ST3GAL2: variants seen among roughly 807,000 people sequenced by gnomAD.
The protein encoded by ST3GAL2 is CMP-N-acetylneuraminate-beta-galactosamide-alpha-2,3-sialyltransferase 2.
A neutral mutation model predicts 37.5 loss-of-function variants in ST3GAL2; 16 were observed. The ratio of observed to expected loss-of-function variants is 0.43; its 90% CI spans 0.29 to 0.65. ST3GAL2 has a LOEUF of 0.65. Ranked by LOEUF, ST3GAL2 falls within the 30% of genes least tolerant of loss-of-function variation. ST3GAL2 has a pLI of 0.17. For missense variants in ST3GAL2, 383 were observed against 487.8 expected (o/e 0.79, Z 2.02); for synonymous variants, 238 against 202.9 (o/e 1.17, Z -1.47).
At chr16:70,414,047 A>C (rs2151671126) in intron 1 of ST3GAL2, among the ~76,000 whole-genome samples, 1 of 152,348 alleles carries the variant, frequency 6.6e-6, no homozygotes, top group South Asian at 2.1e-4. Context: ...GTGGAGGCGT[A>C]CATGAATATA....
At chr16:70,402,260 G>T (rs1372585777) in intron 1 of ST3GAL2, among the ~76,000 whole-genome samples, 2 of 125,752 alleles carry the variant, frequency 1.6e-5, no homozygotes, top group African/African-American at 6.2e-5. Flanking sequence ...TCTAGCCTGG[G>T]CAACAAGAGC....
chr16:70,380,811 C>T lies in ST3GAL2; in HGVS notation c.*878G>A, dbSNP rs1358039935. ...AGCCAGCCTCCTTCCGCCGTGCAGC[C>T]CCCTCCCCAGGGGCCAGAGCCGGCC... is the stretch of plus-strand genomic sequence containing the variant. On this transcript the variant is annotated 3_prime_UTR_variant, in exon 7 of 7. Coordinates refer to ENST00000342907, the MANE Select transcript of ST3GAL2 (RefSeq NM_006927.4). 6.5e-6 allele frequency: 1 copy of T among 153,014 alleles called. No homozygotes were observed. The highest frequency in any genetic ancestry group is 1.5e-5 in the Non-Finnish European group (1 of 68,700). 9.5% of individuals were successfully genotyped at this position (153,014 alleles called of 1,614,324 possible). A position where few individuals can be genotyped will look rare whatever the true frequency, so the allele number is the denominator to read the frequency against.
At chr16:70,406,547 C>T (rs142551636) in intron 1 of ST3GAL2, among the ~76,000 whole-genome samples, 148 of 151,530 alleles carry the variant, frequency 9.8e-4, no homozygotes, top group African/African-American at 3.5e-3. Flanking sequence ...TTTGGGATGC[C>T]GAGGGTGGCG....
At chr16:70,389,722 C>T (rs1254675661) in intron 3 of ST3GAL2, among the ~76,000 whole-genome samples, 1 of 152,162 alleles carries the variant, frequency 6.6e-6, no homozygotes, top group Non-Finnish European at 1.5e-5. Flanking sequence ...CCTCGGCCTC[C>T]CAAAGTGCTG....
intron 1 of ST3GAL2, among the ~76,000 whole-genome samples, chr16:70,424,038 A>G (rs2047733759): frequency 6.6e-6 from 1 of 151,930 alleles, no homozygotes; most frequent in African/African-American, 2.4e-5. Flanking sequence ...AGCCTGGGTG[A>G]CAGAGTGAGA....
intron 1 of ST3GAL2, among the ~76,000 whole-genome samples, chr16:70,423,663 A>G: frequency 6.7e-6 from 1 of 150,218 alleles, no homozygotes; most frequent in Non-Finnish European, 1.5e-5. Context: ...TGTAAATGGA[A>G]TGACTCAATG....
At chr16:70,405,427 G>A (rs938999983) in intron 1 of ST3GAL2, among the ~76,000 whole-genome samples, 1 of 151,164 alleles carries the variant, frequency 6.6e-6, no homozygotes, top group Admixed American at 6.6e-5. Flanking sequence ...TGTAGTACCA[G>A]ATACTCGGAA....
Position 70,398,437 on chromosome 16 carries a change from C to A in ST3GAL2, c.94G>T (p.Ala32Ser), listed in dbSNP as rs773049696. ...CCTGAGTCCAGGTAGGGGAGCGTGG[C>A]CATGCTGTGGTGCGAGTAGGTGAAG... ...LLFTYSHHSM[A>S]TLPYLDSGAL... Residue 32 changes from alanine to serine, a missense_variant, in exon 2 of 7, where the codon GCC becomes TCC. Transcript: ENST00000342907. 1 of 1,613,680 alleles carries A rather than the reference C, an allele frequency of 6.2e-7. No homozygotes were observed. The highest frequency in any genetic ancestry group is 1.7e-5 in the Admixed American group (1 of 60,026).
rs1401300607 is a variant in ST3GAL2, at chr16:70,376,868, A to G, written c.*4821T>C. ...AGCAATTCTCTGCCTCGGTCTCCCG[A>G]GTAGCTGGGATCACAGCCGTCTGCC... On this transcript the variant is annotated 3_prime_UTR_variant, in exon 7 of 7. Coordinates refer to ENST00000342907, the MANE Select transcript of ST3GAL2 (RefSeq NM_006927.4). The G allele has an allele frequency of 6.6e-6, 1 of 151,774 alleles. No homozygotes were observed. Among genetic ancestry groups the G allele is most frequent in the African/African-American group, 2.4e-5 (1 of 41,264 alleles). The allele number at this position is 151,774 out of a possible 1,614,324, so 9.4% of individuals were successfully genotyped here.
chr16:70,415,579 G>C (rs1424992902), intron 1 of ST3GAL2, among the ~76,000 whole-genome samples: 1 of 151,854 alleles, frequency 6.6e-6, no homozygotes, highest in Non-Finnish European at 1.5e-5. Flanking sequence ...AGCCTCCTGA[G>C]TAGCTGGGAC....
At chr16:70,387,571 A>T (rs2047451682) in intron 4 of ST3GAL2, among the ~76,000 whole-genome samples, 1 of 152,052 alleles carries the variant, frequency 6.6e-6, no homozygotes, top group African/African-American at 2.4e-5. Flanking sequence ...AAATAAAATT[A>T]AAAAAAATTA....
At chr16:70,418,484 G>T (rs2047690984) in intron 1 of ST3GAL2, among the ~76,000 whole-genome samples, 1 of 152,180 alleles carries the variant, frequency 6.6e-6, no homozygotes, top group Non-Finnish European at 1.5e-5. Flanking sequence ...CGGAGCTGGT[G>T]ACAGGAATAC....
At chr16:70,395,245 TC>T in intron 2 of ST3GAL2, 70 bp from the exon 3 acceptor site, 1 of 1,398,186 alleles carries the variant, frequency 7.2e-7, no homozygotes, top group South Asian at 1.3e-5. Context: ...GGCCCCGGCC[TC>T]CCCTCCTCTG....
intron 1 of ST3GAL2, among the ~76,000 whole-genome samples, chr16:70,410,836 T>G (rs2047633516): frequency 6.7e-6 from 1 of 149,710 alleles, no homozygotes; most frequent in Non-Finnish European, 1.5e-5. Context: ...TGTCTCTGTG[T>G]TTTGCCGTCT....
intron 3 of ST3GAL2, 143 bp downstream of exon 3, chr16:70,394,839 C>A (rs2047504283): frequency 6.7e-6 from 6 of 893,574 alleles, no homozygotes; most frequent in Middle Eastern, 3.5e-4. Flanking sequence ...GAGCTCCAAG[C>A]CTGCTGTGAA....
In ST3GAL2 at chr16:70,381,651, C is replaced by T. The variant is rs1464746038; in HGVS notation, c.*38G>A. 1 of 1,603,818 alleles carries T rather than the reference C, an allele frequency of 6.2e-7. No individual in the cohort carries two copies. Among genetic ancestry groups the T allele is most frequent in the East Asian group, 2.2e-5 (1 of 44,708 alleles). On this transcript the variant is annotated 3_prime_UTR_variant, in exon 7 of 7. Coordinates refer to ENST00000342907, the MANE Select transcript of ST3GAL2 (RefSeq NM_006927.4). ...GGGTCCCGGGCCGGAGCCCCGGTGC[C>T]CGATAGATGGGCCGGAAGGGTCGCG... is the stretch of plus-strand genomic sequence containing the variant.
chr16:70,389,061 A>G (rs1450542609), intron 3 of ST3GAL2, among the ~76,000 whole-genome samples: 10 of 137,496 alleles, frequency 7.3e-5, no homozygotes, highest in Non-Finnish European at 1.1e-4. Context: ...GTGACAGAAC[A>G]AGACTCTTGT....
chr16:70,383,514 T>G (rs868379570), intron 4 of ST3GAL2, among the ~76,000 whole-genome samples: 1 of 139,766 alleles, frequency 7.2e-6, no homozygotes, highest in Middle Eastern at 3.7e-3. Context: ...ATCACACCAC[T>G]GCACTCCAGC....
At position 70,397,092 on chromosome 16, in the gene ST3GAL2, G is replaced by A. The variant is rs868700452; in HGVS notation, c.339+1100C>T. Among the ~76,000 whole-genome samples the A allele has an allele frequency of 2.0e-4, 29 of 145,896 alleles. 1 individual carries two copies. Among genetic ancestry groups the A allele is most frequent in the South Asian group, 8.6e-4 (4 of 4,640 alleles). ...AGTCTCACTTTGTTGCCCAGCTGGA[G>A]TGCAATGGTGCAATCTCGGCTCACT... On this transcript the variant is annotated intron_variant, in intron 2 of 6. Coordinates refer to ENST00000342907, the MANE Select transcript of ST3GAL2 (RefSeq NM_006927.4).
Sources: gnomAD v4.1 joint callset for allele counts (sites outside exome capture counted in the v4.1 genomes callset) on GRCh38, gnomAD v4.1.1 for gene constraint, MANE v1.5 for transcripts, NCBI Gene and HGNC (gene_info 2026-07-23, HGNC 2026-07-21) for gene names.